MGME1: variants seen among roughly 807,000 people sequenced by gnomAD.
MGME1 encodes the protein mitochondrial genome maintenance exonuclease 1, also known as chromosome 20 open reading frame 72.
Under a neutral mutation model 33.0 loss-of-function variants are expected in MGME1, and 22 were observed. The observed-to-expected ratio is 0.67, with a 90% confidence interval of 0.48 to 0.95. The LOEUF is 0.95. Ranked by LOEUF, MGME1 falls within the 40% of genes least tolerant of loss-of-function variation. The pLI is 0.00. For synonymous variants in MGME1, 133 were observed against 144.0 expected, an observed-to-expected ratio of 0.92 and a Z score of 0.55; for missense variants, 383 against 397.8, an observed-to-expected ratio of 0.96 and a Z score of 0.32.
At chr20:17,978,762 G>A (rs1304661393) in intron 3 of MGME1, among the ~76,000 whole-genome samples, 3 of 151,802 alleles carry the variant, frequency 2.0e-5, no homozygotes, top group African/African-American at 2.4e-5. Flanking sequence ...TTGAAACTAC[G>A]GTTTTTTTTT....
chr20:17,988,432 A>T, intron 4 of MGME1, 134 bp downstream of exon 4: 1 of 871,322 alleles, frequency 1.1e-6, no homozygotes, highest in Non-Finnish European at 1.7e-6. Context: ...ACTTGAGGTC[A>T]GGAGTTCAAG....
rs370722277 is a variant in MGME1, at chr20:17,970,250, C to T, written c.391C>T (p.Pro131Ser). The change falls in exon 2 of 5, where the codon CCA becomes TCA. Residue 131 changes from proline (P) to serine (S), a missense_variant. Coordinates refer to ENST00000377710, the MANE Select transcript of MGME1 (RefSeq NM_052865.4). Reference sequence around the variant, plus strand: ...AATCCCCTTGCAAAGGAATGTGATACCAAGTGTGACCCGAGTCCTTCAGCA... The same window carrying T: ...AATCCCCTTGCAAAGGAATGTGATATCAAGTGTGACCCGAGTCCTTCAGCA... ...LKIPLQRNVI[P>S]SVTRVLQQTM... 6.2e-7 allele frequency: 1 copy of T among 1,614,206 alleles called. No homozygotes were observed. The highest frequency in any genetic ancestry group is 8.5e-7 in the Non-Finnish European group (1 of 1,180,036).
At chr20:17,972,582 A>T in intron 2 of MGME1, 2 of 824,440 alleles carry the variant, frequency 2.4e-6, no homozygotes, top group Non-Finnish European at 2.9e-6. Context: ...CACTTTCATT[A>T]CTTTGAGTGA....
chr20:17,979,721 ATTT>A (rs1160750090), intron 3 of MGME1, among the ~76,000 whole-genome samples: 1 of 148,324 alleles, frequency 6.7e-6, no homozygotes, highest in Admixed American at 6.8e-5. Flanking sequence ...GGGCCTAATA[ATTT>A]TTTATTTTAT....
Position 17,988,312 on chromosome 20 carries a change from G to GC in MGME1, c.864+16dup, listed in dbSNP as rs1323482106. ...TACAGCTTTCAGGTCAGGACACTGAGCCTTTACTTAAAGCTTTGCTCAATG... is the reference window on the plus strand; with the variant it reads ...TACAGCTTTCAGGTCAGGACACTGAGCCCTTTACTTAAAGCTTTGCTCAATG... On this transcript the variant is annotated intron_variant, in intron 4 of 4. Transcript: ENST00000377710. 3.7e-6 allele frequency: 6 copies of GC among 1,610,168 alleles called. No homozygotes were observed. In the African/African-American group the frequency reaches 8.0e-5, roughly 22 times the overall value.
chr20:17,979,589 T>G (rs2035954060), intron 3 of MGME1, among the ~76,000 whole-genome samples: 1 of 151,134 alleles, frequency 6.6e-6, no homozygotes, highest in Non-Finnish European at 1.5e-5. Context: ...TTTTTTTTTT[T>G]GTATTTTTAG....
intron 3 of MGME1, among the ~76,000 whole-genome samples, chr20:17,979,663 G>A (rs746111022): frequency 4.6e-5 from 7 of 151,206 alleles, no homozygotes; most frequent in African/African-American, 1.2e-4. Context: ...TGATCTGCCC[G>A]CCTCGGCCTC....
At chr20:17,980,502 TAAAA>T (rs1007012585) in intron 3 of MGME1, among the ~76,000 whole-genome samples, 2 of 151,170 alleles carry the variant, frequency 1.3e-5, no homozygotes, top group Non-Finnish European at 2.9e-5. Context: ...TTTTTCCACT[TAAAA>T]AAATTATTTA....
At chr20:17,979,667 C>T (rs1444242437) in intron 3 of MGME1, among the ~76,000 whole-genome samples, 2 of 151,952 alleles carry the variant, frequency 1.3e-5, no homozygotes, top group African/African-American at 2.4e-5. Flanking sequence ...CTGCCCGCCT[C>T]GGCCTCCCAA....
rs375516363 is a variant in MGME1, at chr20:17,975,656, C to T, written c.512-28C>T. 75 of 1,549,562 alleles carry T rather than the reference C, an allele frequency of 4.8e-5. No homozygotes were observed. In the African/African-American group the frequency reaches 7.2e-4, roughly 15 times the overall value. On this transcript the variant is annotated intron_variant, in intron 2 of 4. Transcript: ENST00000377710. ...TGTTAGCTTTGTTTGTGTTTCCCCC[C>T]TCCCCTTTTCCCTGATTTTCTTTTC...
Position 17,990,251 on chromosome 20 carries a change from G to GTGT in MGME1, c.*147_*149dup. 1 of 765,924 alleles carries GTGT rather than the reference G, an allele frequency of 1.3e-6. No homozygotes were observed. The highest frequency in any genetic ancestry group is 2.2e-6 in the Non-Finnish European group (1 of 460,664). The allele number at this position is 765,924 out of a possible 1,614,324, so 47.4% of individuals were successfully genotyped here. A position where few individuals can be genotyped will look rare whatever the true frequency, so the allele number is the denominator to read the frequency against. On this transcript the variant is annotated 3_prime_UTR_variant, in exon 5 of 5. Transcript: ENST00000377710. ...AGTAGAAGTATTAATTTGTTGAAAT[G>GTGT]TGTTGTTACCAAAAAGACTGAAAAG...
rs2035809266 is a variant in MGME1, at chr20:17,974,451, T to C, written c.512-1233T>C. ...ACGAGCACTGAAAATGAGGAGAGAG[T>C]TCAAAAATCAAGTTAGATCCTGGGA... On this transcript the variant is annotated intron_variant, in intron 2 of 4. Transcript: ENST00000377710. Among the ~76,000 whole-genome samples the C allele has an allele frequency of 2.0e-5, 3 of 151,776 alleles. No individual in the cohort carries two copies. In the South Asian group the frequency reaches 6.2e-4, roughly 31 times the overall value.
At chr20:17,980,159 G>A (rs2035973057) in intron 3 of MGME1, among the ~76,000 whole-genome samples, 1 of 151,962 alleles carries the variant, frequency 6.6e-6, no homozygotes, top group Admixed American at 6.6e-5. Flanking sequence ...TCTAGTAGCT[G>A]GGATTACAGG....
chr20:17,987,730 C>A (rs2036189248), intron 3 of MGME1, among the ~76,000 whole-genome samples: 1 of 152,110 alleles, frequency 6.6e-6, no homozygotes, highest in South Asian at 2.1e-4. Flanking sequence ...CTATAAACTG[C>A]TGATTTTGAA....
At chr20:17,968,703 T>A, upstream of MGME1, 1 of 485,790 alleles carries the variant, frequency 2.1e-6, no homozygotes, top group Non-Finnish European at 3.8e-6. Flanking sequence ...GGCCTACCCT[T>A]GCTCCGCTCC....
In MGME1 at chr20:17,990,082, T is replaced by C. The variant is rs771030228; in HGVS notation, c.1008T>C (p.Asn336=). The part of the protein sequence containing the change: ...EEYTEKKKNQ[N]IQKPEYSE ...ATACGGAAAAGAAAAAGAACCAGAA[T>C]ATTCAGAAACCAGAATATTCAGAAT... The change falls in exon 5 of 5, where the codon AAT becomes AAC. Residue 336 remains asparagine, a synonymous_variant. Transcript: ENST00000377710. The C allele has an allele frequency of 3.7e-6, 6 of 1,614,052 alleles. No individual in the cohort carries two copies. Among genetic ancestry groups the C allele is most frequent in the Non-Finnish European group, 5.1e-6 (6 of 1,179,976 alleles).
rs369203961 is a variant in MGME1 at position 17,986,830 on chromosome 20, GT to G, written c.732-1325del. On this transcript the variant is annotated intron_variant, in intron 3 of 4. Coordinates refer to ENST00000377710, the MANE Select transcript of MGME1 (RefSeq NM_052865.4). ...TTATAGTTTTCAGAATGCTATTAAG[GT>G]TTTTTTTTTTACATTTATTAAGTTC... 4.4e-3 allele frequency among the ~76,000 whole-genome samples: 638 copies of G among 145,620 alleles called. 2 individuals are homozygous for G. Among genetic ancestry groups the G allele is most frequent in the Middle Eastern group, 7.0e-3 (2 of 286 alleles).
At position 17,990,061 on chromosome 20, in the gene MGME1, G is replaced by C; in HGVS notation, c.987G>C (p.Thr329=). The C allele has an allele frequency of 6.2e-7, 1 of 1,613,856 alleles. No homozygotes were observed. The highest frequency in any genetic ancestry group is 1.1e-5 in the South Asian group (1 of 91,070). ...GGCTTCTTCGACTAGAAGAATATAC[G>C]GAAAAGAAAAAGAACCAGAATATTC... The part of the protein sequence containing the change: ...TKWLLRLEEY[T]EKKKNQNIQK... The change falls in exon 5 of 5, where the codon ACG becomes ACC. Residue 329 remains threonine (T), a synonymous_variant. Transcript: ENST00000377710.
intron 3 of MGME1, among the ~76,000 whole-genome samples, chr20:17,985,500 G>A (rs150160465): frequency 6.9e-4 from 105 of 152,210 alleles, no homozygotes; most frequent in African/African-American, 2.3e-3. Flanking sequence ...AAAGAAAAAC[G>A]TTTTTTATAA....
Sources: gnomAD v4.1 joint callset for allele counts (sites outside exome capture counted in the v4.1 genomes callset) on GRCh38, gnomAD v4.1.1 for gene constraint, MANE v1.5 for transcripts, NCBI Gene and HGNC (gene_info 2026-07-23, HGNC 2026-07-21) for gene names.